Variants in ROBO1 observed in about 807,000 individuals in gnomAD.
The protein encoded by ROBO1 is roundabout guidance receptor 1, also known as roundabout homolog 1.
Under a neutral mutation model 195.9 loss-of-function variants are expected in ROBO1, and 149 were observed. The ratio of observed to expected loss-of-function variants is 0.76; its 90% CI spans 0.67 to 0.87. The LOEUF (loss-of-function observed/expected upper bound fraction) is 0.87. Ranked by LOEUF, ROBO1 falls within the 40% of genes least tolerant of loss-of-function variation. The probability of loss-of-function intolerance (pLI) is 0.00; values close to 1 mark genes in which losing one functional copy is unlikely to be tolerated. For missense variants in ROBO1, 1,933 were observed against 2,068.3 expected, an observed-to-expected ratio of 0.93 and a Z score of 1.27; for synonymous variants, 816 against 733.2, an observed-to-expected ratio of 1.11 and a Z score of -1.82.
chr3:79,324,869 C>T (rs900448927), intron 2 of ROBO1, among the ~76,000 whole-genome samples: 6 of 152,166 alleles, frequency 3.9e-5, no homozygotes, highest in East Asian at 1.9e-4. Flanking sequence ...GTGTGGCATC[C>T]GTGCAGAGAA....
chr3:79,119,682 G>A (rs1348175364), intron 3 of ROBO1, among the ~76,000 whole-genome samples: 1 of 151,770 alleles, frequency 6.6e-6, no homozygotes, highest in Non-Finnish European at 1.5e-5. Flanking sequence ...TTAATTTCCT[G>A]TTATGCATAA....
chr3:78,737,160 T>C (rs1357033374), intron 5 of ROBO1, among the ~76,000 whole-genome samples: 1 of 152,144 alleles, frequency 6.6e-6, no homozygotes, highest in Non-Finnish European at 1.5e-5. Context: ...TACTTACTCA[T>C]AATGTTCACC....
Position 78,614,782 on chromosome 3 carries a change from G to A in ROBO1, c.4301C>T (p.Ala1434Val), listed in dbSNP as rs775353991. 4.3e-5 allele frequency: 69 copies of A among 1,608,336 alleles called. No individual in the cohort carries two copies. Among genetic ancestry groups the A allele is most frequent in the Middle Eastern group, 1.7e-4 (1 of 6,056 alleles). ...QDAAGRRHFH[A>V]SQCPRPTSPV... is the part of the protein sequence containing the mutation. ...ACTTGTGGGCCTAGGGCACTGAGAC[G>A]CATGAAAATGTCGACGGCCTAAGGA... The change falls in exon 28 of 31, where the codon GCG becomes GTG. Residue 1434 changes from alanine (A) to valine (V), a missense_variant. Around this residue, in one of 3 missense-constraint regions of ROBO1, gnomAD observed 1,737 missense variants for 1,882.5 expected, o/e 0.92. Transcript: ENST00000464233.
intron 2 of ROBO1, among the ~76,000 whole-genome samples, chr3:79,187,743 C>A (rs934139732): frequency 6.6e-6 from 1 of 151,928 alleles, no homozygotes; most frequent in African/African-American, 2.4e-5. Flanking sequence ...CAGCTATAGT[C>A]AATTCTATAC....
At chr3:79,312,419 T>C (rs565984440) in intron 2 of ROBO1, among the ~76,000 whole-genome samples, 6 of 152,318 alleles carry the variant, frequency 3.9e-5, no homozygotes, top group African/African-American at 1.4e-4. Context: ...CCCAAAGAAA[T>C]ATCAAATTTT....
At chr3:79,579,731 G>A (rs767172378) in intron 2 of ROBO1, among the ~76,000 whole-genome samples, 1 of 152,068 alleles carries the variant, frequency 6.6e-6, no homozygotes, top group African/African-American at 2.4e-5. Flanking sequence ...ACTTTTTACA[G>A]TAACTATCTA....
intron 1 of ROBO1, among the ~76,000 whole-genome samples, chr3:79,688,763 T>C (rs1947211495): frequency 1.3e-5 from 2 of 152,010 alleles, no homozygotes; most frequent in South Asian, 4.1e-4. Flanking sequence ...TTAAAAAAAA[T>C]TCTCCCAGAG....
At chr3:79,384,837 T>C (rs992866120) in intron 2 of ROBO1, among the ~76,000 whole-genome samples, 4 of 152,074 alleles carry the variant, frequency 2.6e-5, no homozygotes, top group Non-Finnish European at 4.4e-5. Context: ...AAGAATACTT[T>C]ATCTCAAAAC....
At chr3:79,759,339 G>T (rs1437498633) in intron 1 of ROBO1, among the ~76,000 whole-genome samples, 2 of 152,160 alleles carry the variant, frequency 1.3e-5, no homozygotes, top group Non-Finnish European at 2.9e-5. Context: ...GTTACACATT[G>T]ATCAGAAGCT....
At chr3:79,064,269 T>C (rs1042417752) in intron 3 of ROBO1, among the ~76,000 whole-genome samples, 2 of 151,898 alleles carry the variant, frequency 1.3e-5, no homozygotes, top group East Asian at 1.9e-4. Context: ...AAATAGCAAC[T>C]TTTTCAGTAT....
chr3:79,542,580 G>A (rs1385895877), intron 2 of ROBO1, among the ~76,000 whole-genome samples: 1 of 151,970 alleles, frequency 6.6e-6, no homozygotes, highest in African/African-American at 2.4e-5. Context: ...ATAAATAACA[G>A]TAGTAATAGA....
At chr3:78,943,302 G>T (rs2040243060) in intron 3 of ROBO1, among the ~76,000 whole-genome samples, 1 of 152,142 alleles carries the variant, frequency 6.6e-6, no homozygotes, top group African/African-American at 2.4e-5. Context: ...ACCAATTACA[G>T]AATCTGGATG....
chr3:79,670,054 T>A (rs1946588580), intron 1 of ROBO1, among the ~76,000 whole-genome samples: 1 of 151,862 alleles, frequency 6.6e-6, no homozygotes, highest in African/African-American at 2.4e-5. Flanking sequence ...ATTTGAACAA[T>A]AACAAACTGA....
At chr3:79,298,447 A>AT (rs1010258501) in intron 2 of ROBO1, among the ~76,000 whole-genome samples, 38 of 152,024 alleles carry the variant, frequency 2.5e-4, no homozygotes, top group African/African-American at 9.2e-4. Flanking sequence ...AAGAAGTCAG[A>AT]TTTTTTCAGT....
At chr3:79,390,256 A>G (rs1360335254) in intron 2 of ROBO1, among the ~76,000 whole-genome samples, 1 of 152,060 alleles carries the variant, frequency 6.6e-6, no homozygotes. Context: ...TTTATATTCC[A>G]CTGAGATTAA....
chr3:79,403,865 G>A (rs181537965), intron 2 of ROBO1, among the ~76,000 whole-genome samples: 64 of 152,056 alleles, frequency 4.2e-4, no homozygotes, highest in Admixed American at 9.8e-4. Context: ...AAACCATCAT[G>A]ATGGTATCAT....
intron 2 of ROBO1, among the ~76,000 whole-genome samples, chr3:79,212,670 A>G (rs1291931996): frequency 1.3e-5 from 2 of 151,758 alleles, no homozygotes; most frequent in Non-Finnish European, 2.9e-5. Context: ...AATACAAAAT[A>G]TTAGCCAGGC....
At position 78,670,279 on chromosome 3, in the gene ROBO1, T is replaced by G. The variant is rs772026436; in HGVS notation, c.1365A>C (p.Pro455=). The G allele has an allele frequency of 6.4e-6, 10 of 1,570,174 alleles. No individual in the cohort carries two copies. The Admixed American group carries it at 1.9e-4, about 30-fold the overall frequency. Residue 455 remains proline (P), a synonymous_variant, in exon 11 of 31, where the codon CCA becomes CCC. Coordinates refer to ENST00000464233, the MANE Select transcript of ROBO1 (RefSeq NM_002941.4). ...GATTCACAGGACCTTGTCGAATAAC[T>G]GGGGGAGGCCGATCTGCAATCACTG... ...VTDVIADRPP[P]VIRQGPVNQT...
intron 2 of ROBO1, among the ~76,000 whole-genome samples, chr3:79,252,391 C>T (rs2082748418): frequency 6.6e-6 from 1 of 152,042 alleles, no homozygotes; most frequent in Admixed American, 6.6e-5. Context: ...GGTAGAAGTT[C>T]ATTTGAAGAT....
Sources: gnomAD v4.1 joint callset for allele counts (sites outside exome capture counted in the v4.1 genomes callset) on GRCh38, gnomAD v4.1.1 for gene constraint, gnomAD v4.1.1 regional missense constraint, MANE v1.5 for transcripts, NCBI Gene and HGNC (gene_info 2026-07-23, HGNC 2026-07-21) for gene names.